Variants in ARHGAP24 observed in about 807,000 individuals in gnomAD.
ARHGAP24 encodes Rho GTPase activating protein 24.
Under a neutral mutation model 76.4 loss-of-function variants are expected in ARHGAP24, and 50 were observed. The observed-to-expected ratio is 0.65, with a 90% confidence interval of 0.52 to 0.83. The LOEUF (loss-of-function observed/expected upper bound fraction) is 0.83, where lower values mean the gene tolerates loss of function less well. Among genes scored for constraint, ARHGAP24 ranks in the 40% least tolerant of loss-of-function variants. The probability of loss-of-function intolerance (pLI) is 0.00; values close to 1 mark genes in which losing one functional copy is unlikely to be tolerated. For missense variants in ARHGAP24, 930 were observed against 914.2 expected (o/e 1.02, Z -0.22); for synonymous variants, 345 against 323.3 (o/e 1.07, Z -0.72).
intron 2 of ARHGAP24, among the ~76,000 whole-genome samples, chr4:85,668,406 A>AAAAC (rs149401367): frequency 0.029 from 4,460 of 152,332 alleles, 202 homozygotes; most frequent in African/African-American, 0.1. Flanking sequence ...CTAGGAGAAT[A>AAAAC]AAATTATATC....
intron 3 of ARHGAP24, among the ~76,000 whole-genome samples, chr4:85,838,925 C>G (rs1347576212): frequency 6.6e-6 from 1 of 152,192 alleles, no homozygotes; most frequent in Non-Finnish European, 1.5e-5. Flanking sequence ...AGCCCCTCAC[C>G]TTTATTTGTT....
intron 2 of ARHGAP24, among the ~76,000 whole-genome samples, chr4:85,690,209 C>CG (rs1723578732): frequency 6.6e-6 from 1 of 150,438 alleles, no homozygotes; most frequent in Non-Finnish European, 1.5e-5. Context: ...CATTGATATT[C>CG]TTCAGAGATA....
In ARHGAP24 at chr4:85,595,947, G is replaced by A. The variant is rs377324404; in HGVS notation, c.180+25226G>A. Among the ~76,000 whole-genome samples, 3 of 151,960 alleles carry A rather than the reference G, an allele frequency of 2.0e-5. No individual in the cohort carries two copies. In the East Asian group the frequency reaches 5.8e-4, roughly 29 times the overall value. ...TAAAAGTCCCTTGGTCTGATTTATT[G>A]CTAAGAACTGACTCTGCTCCAATCT... On this transcript the variant is annotated intron_variant, in intron 2 of 9. Coordinates refer to ENST00000395184, the MANE Select transcript of ARHGAP24 (RefSeq NM_001025616.3).
chr4:85,933,676 A>G (rs1446882014), intron 4 of ARHGAP24, among the ~76,000 whole-genome samples: 2 of 152,084 alleles, frequency 1.3e-5, no homozygotes, highest in Non-Finnish European at 2.9e-5. Context: ...TGAAACTACA[A>G]TTTTTCTTTA....
chr4:85,540,842 T>A lies in ARHGAP24; in HGVS notation c.-20-29680T>A, dbSNP rs113600725. Among the ~76,000 whole-genome samples, 5 of 152,276 alleles carry A rather than the reference T, an allele frequency of 3.3e-5. 1 individual carries two copies. The highest frequency in any genetic ancestry group is 1.2e-4 in the African/African-American group (5 of 41,574). ...CTGCTTGTCTTGTTAGCAGAGGCAC[T>A]GCTTTTGCTTAGAAGTATTTTTTTA... On this transcript the variant is annotated intron_variant, in intron 1 of 9. Transcript: ENST00000395184.
intron 5 of ARHGAP24, among the ~76,000 whole-genome samples, chr4:85,963,524 G>C (rs961354784): frequency 1.3e-5 from 2 of 152,006 alleles, no homozygotes; most frequent in Non-Finnish European, 2.9e-5. Flanking sequence ...ATTGCTTTAA[G>C]GAAACTTTTC....
chr4:85,832,289 G>C (rs566665089), intron 3 of ARHGAP24, among the ~76,000 whole-genome samples: 1 of 152,278 alleles, frequency 6.6e-6, no homozygotes, highest in East Asian at 1.9e-4. Flanking sequence ...GGAGTGATTT[G>C]AGCAGAAGGA....
chr4:85,608,365 CCAAA>C (rs1384704878), intron 2 of ARHGAP24, among the ~76,000 whole-genome samples: 2 of 152,048 alleles, frequency 1.3e-5, no homozygotes, highest in African/African-American at 4.8e-5. Context: ...GGGCAACCAG[CCAAA>C]CAGTTTCCAT....
At chr4:85,490,855 A>AT (rs1206764288) in intron 1 of ARHGAP24, among the ~76,000 whole-genome samples, 4 of 152,230 alleles carry the variant, frequency 2.6e-5, no homozygotes, top group Non-Finnish European at 5.9e-5. Context: ...TGATAATTGT[A>AT]GAATTTATTA....
At chr4:85,844,911 A>G (rs145542021) in intron 3 of ARHGAP24, among the ~76,000 whole-genome samples, 136 of 152,334 alleles carry the variant, frequency 8.9e-4, no homozygotes, top group Non-Finnish European at 1.6e-3. Flanking sequence ...GGACATTGGA[A>G]TAGGGTTGGA....
At chr4:85,603,251 G>A (rs963071579) in intron 2 of ARHGAP24, among the ~76,000 whole-genome samples, 12 of 152,136 alleles carry the variant, frequency 7.9e-5, no homozygotes, top group Non-Finnish European at 1.0e-4. Context: ...TTTATTTGAA[G>A]TGCTGACTAT....
chr4:85,716,402 T>C (rs1724734454), intron 2 of ARHGAP24, among the ~76,000 whole-genome samples: 1 of 152,160 alleles, frequency 6.6e-6, no homozygotes, highest in Non-Finnish European at 1.5e-5. Context: ...AGATTCTTCA[T>C]AAAAGGAATA....
intron 3 of ARHGAP24, among the ~76,000 whole-genome samples, chr4:85,918,055 G>C (rs1013588365): frequency 6.6e-6 from 1 of 151,834 alleles, no homozygotes; most frequent in Non-Finnish European, 1.5e-5. Context: ...ATACATAGTA[G>C]AGCATCCGAG....
chr4:85,623,454 A>G (rs1720799635), intron 2 of ARHGAP24, among the ~76,000 whole-genome samples: 2 of 152,110 alleles, frequency 1.3e-5, no homozygotes, highest in African/African-American at 4.8e-5. Context: ...CCATTGGTCT[A>G]TATCTCTGTT....
intron 3 of ARHGAP24, among the ~76,000 whole-genome samples, chr4:85,903,887 T>C (rs1734629574): frequency 6.6e-6 from 1 of 152,120 alleles, no homozygotes; most frequent in Admixed American, 6.5e-5. Context: ...CATAAGGAAG[T>C]ATGTAAGGGA....
chr4:85,981,373 TA>T (rs764802815), intron 8 of ARHGAP24, among the ~76,000 whole-genome samples: 32 of 152,238 alleles, frequency 2.1e-4, no homozygotes, highest in Non-Finnish European at 3.1e-4. Flanking sequence ...GACAGCTTCC[TA>T]AATTCCTAAG....
chr4:85,689,830 C>T (rs1031407662), intron 2 of ARHGAP24, among the ~76,000 whole-genome samples: 1 of 152,216 alleles, frequency 6.6e-6, no homozygotes, highest in African/African-American at 2.4e-5. Context: ...TTGACTTCAT[C>T]TTTTCCTATC....
At chr4:85,523,861 A>G in intron 1 of ARHGAP24, among the ~76,000 whole-genome samples, 1 of 151,908 alleles carries the variant, frequency 6.6e-6, no homozygotes, top group Non-Finnish European at 1.5e-5. Context: ...AAAAGAATGG[A>G]TTCTATTGAT....
chr4:85,500,874 AC>A (rs1213993125), intron 1 of ARHGAP24, among the ~76,000 whole-genome samples: 6 of 59,582 alleles, frequency 1.0e-4, no homozygotes, highest in African/African-American at 2.0e-4. Context: ...CCAGCCTCCC[AC>A]CCCCCCACCA....
Sources: gnomAD v4.1 joint callset for allele counts (sites outside exome capture counted in the v4.1 genomes callset) on GRCh38, gnomAD v4.1.1 for gene constraint, MANE v1.5 for transcripts, NCBI Gene and HGNC (gene_info 2026-07-23, HGNC 2026-07-21) for gene names.